The following NSD2 variants were observed in gnomAD, a reference collection of about 807,000 sequenced individuals.
The protein encoded by NSD2 is histone-lysine N-methyltransferase NSD2.
A neutral mutation model predicts 139.0 loss-of-function variants in NSD2; 12 were observed. The ratio of observed to expected loss-of-function variants is 0.09; its 90% CI spans 0.06 to 0.14. The LOEUF (loss-of-function observed/expected upper bound fraction) is 0.14. Ranked by LOEUF, NSD2 falls within the 10% of genes least tolerant of loss-of-function variation. The pLI is 1.00. For synonymous variants in NSD2, 669 were observed against 648.7 expected, an observed-to-expected ratio of 1.03 and a Z score of -0.48; for missense variants, 1,155 against 1,745.0, an observed-to-expected ratio of 0.66 and a Z score of 6.02.
rs562902739 is a variant in NSD2, at chr4:1,972,460, T to C, written c.3373-2403T>C. On this transcript the variant is annotated intron_variant, in intron 18 of 21. Coordinates refer to ENST00000508803, the MANE Select transcript of NSD2 (RefSeq NM_001042424.3). This position sits in a 1 kb window ranked among gnomAD's most constrained non-coding sequence, Gnocchi z 4.0. ...CTGCAGGTCTAGCCAGTGCTTTATC[T>C]TGAAGCCTTACTGTGGGAAGGGTGG... Among the ~76,000 whole-genome samples, 1 of 152,372 alleles carries C rather than the reference T, an allele frequency of 6.6e-6. No individual in the cohort carries two copies. Among genetic ancestry groups the C allele is most frequent in the African/African-American group, 2.4e-5 (1 of 41,582 alleles).
At chr4:1,959,040 G>A (rs1725110456) in intron 16 of NSD2, among the ~76,000 whole-genome samples, 1 of 152,206 alleles carries the variant, frequency 6.6e-6, no homozygotes, top group African/African-American at 2.4e-5. Flanking sequence ...ACTCCCATGT[G>A]GCTTGCTGCT....
intron 11 of NSD2, chr4:1,952,889 G>A: frequency 7.3e-7 from 1 of 1,377,198 alleles, no homozygotes; most frequent in Non-Finnish European, 9.4e-7. Context: ...GAAGACACCT[G>A]GAGAGTCTCC....
intron 15 of NSD2, among the ~76,000 whole-genome samples, 155 bp from the exon 16 acceptor site, chr4:1,957,778 C>T (rs2108965299): frequency 6.6e-6 from 1 of 152,264 alleles, no homozygotes; most frequent in African/African-American, 2.4e-5. Context: ...TTAAAAATAC[C>T]TGCCCACTGA....
chr4:1,940,207 T>C (rs1722947650), intron 9 of NSD2: 2 of 1,080,002 alleles, frequency 1.9e-6, no homozygotes, highest in Non-Finnish European at 2.3e-6. Flanking sequence ...ACCTGATTCC[T>C]GTTGCTTCCA....
rs71167763 is a variant in NSD2 at position 1,951,443 on chromosome 4, TACACACACACACACACACACAC to T, written c.2013+300_2013+321del. 4.7e-4 allele frequency among the ~76,000 whole-genome samples: 47 copies of T among 101,070 alleles called. 1 individual carries two copies. The highest frequency in any genetic ancestry group is 1.6e-3 in the African/African-American group (40 of 25,204). 66.3% of individuals were successfully genotyped at this position (101,070 alleles called of 152,430 possible). On this transcript the variant is annotated intron_variant, in intron 10 of 21. Coordinates refer to ENST00000508803, the MANE Select transcript of NSD2 (RefSeq NM_001042424.3). ...TGAGATTTGTATACACATCATGTAA[TACACACACACACACACACACAC>T]ACACACACACACACACACACACACA... is the stretch of plus-strand genomic sequence containing the variant.
At chr4:1,904,969 A>AAAAATAC (rs1717690970) in intron 3 of NSD2, among the ~76,000 whole-genome samples, 1 of 152,252 alleles carries the variant, frequency 6.6e-6, no homozygotes, top group African/African-American at 2.4e-5. Flanking sequence ...CGTCTCTACT[A>AAAAATAC]AAAATACAAA....
chr4:1,921,750 C>T (rs978585001), intron 5 of NSD2, among the ~76,000 whole-genome samples: 6 of 149,724 alleles, frequency 4.0e-5, no homozygotes, highest in Admixed American at 1.3e-4. Context: ...CCAATGCACT[C>T]CAGCCTGGGC....
At position 1,975,340 on chromosome 4, in the gene NSD2, A is replaced by G. The variant is rs1384015236; in HGVS notation, c.3561A>G (p.Glu1187=). The part of the protein sequence containing the change: ...FNYNLDCLGN[E]KTVCRCGASN... ...ACAACCTCGATTGTCTGGGCAATGA[A>G]AAAACGGTCTGCCGGTGTGGAGCCT... is the stretch of plus-strand genomic sequence containing the variant. Residue 1187 remains glutamate (E), a synonymous_variant, in exon 20 of 22, where the codon GAA becomes GAG. Coordinates refer to ENST00000508803, the MANE Select transcript of NSD2 (RefSeq NM_001042424.3). The G allele has an allele frequency of 2.5e-6, 4 of 1,614,092 alleles. No homozygotes were observed. The African/African-American group carries it at 4.0e-5, about 16-fold the overall frequency.
At chr4:1,952,653 C>A in intron 11 of NSD2, 1 of 977,174 alleles carries the variant, frequency 1.0e-6, no homozygotes, top group Non-Finnish European at 1.3e-6. Context: ...TTTATGAAGA[C>A]ACAGTGTCAC....
chr4:1,885,276 A>C, intron 1 of NSD2, among the ~76,000 whole-genome samples: 1 of 152,174 alleles, frequency 6.6e-6, no homozygotes, highest in Non-Finnish European at 1.5e-5. Context: ...TCAGCAAATT[A>C]GTGGATTAAA....
At chr4:1,929,435 T>G (rs1721367109) in intron 5 of NSD2, among the ~76,000 whole-genome samples, 1 of 152,134 alleles carries the variant, frequency 6.6e-6, no homozygotes, top group African/African-American at 2.4e-5. Context: ...AGACAGTGCC[T>G]TCACTTGCCG....
At chr4:1,938,336 G>T in intron 7 of NSD2, 115 bp from the exon 8 acceptor site, 1 of 904,180 alleles carries the variant, frequency 1.1e-6, no homozygotes, top group South Asian at 2.2e-5. Context: ...ATTCACATGA[G>T]GAGATTTTTT....
intron 3 of NSD2, among the ~76,000 whole-genome samples, chr4:1,905,937 TTGTC>T (rs900495170): frequency 6.6e-5 from 10 of 152,188 alleles, no homozygotes; most frequent in African/African-American, 2.4e-4. Context: ...TGTCTCCCCT[TTGTC>T]TGAGGATGGA....
chr4:1,946,166 G>A, intron 9 of NSD2: 1 of 1,023,918 alleles, frequency 9.8e-7, no homozygotes, highest in Non-Finnish European at 1.2e-6. Flanking sequence ...GAGAAACTGA[G>A]GTAACTGTCA....
At chr4:1,934,435 G>A (rs1249305171) in intron 6 of NSD2, among the ~76,000 whole-genome samples, 1 of 151,738 alleles carries the variant, frequency 6.6e-6, no homozygotes, top group East Asian at 1.9e-4. Context: ...AGAGGTTGCA[G>A]TGAGCTGAGA....
In NSD2 at chr4:1,944,042, G is replaced by A. The variant is rs1577507722; in HGVS notation, c.1881+4264G>A. ...ATTGGCATCAGCTGAATAACCAGGG[G>A]CACATGGGGGAACGTGGATGGGAAT... On this transcript the variant is annotated intron_variant, in intron 9 of 21. Coordinates refer to ENST00000508803, the MANE Select transcript of NSD2 (RefSeq NM_001042424.3). 6.6e-6 allele frequency: 7 copies of A among 1,065,836 alleles called. No individual in the cohort carries two copies. The East Asian group carries it at 3.5e-4, about 53-fold the overall frequency. The allele number at this position is 1,065,836 out of a possible 1,614,324, so 66.0% of individuals were successfully genotyped here.
chr4:1,896,194 TC>T (rs1204681417), intron 1 of NSD2, among the ~76,000 whole-genome samples: 3 of 152,214 alleles, frequency 2.0e-5, no homozygotes, highest in Non-Finnish European at 4.4e-5. Context: ...CTCCTCTCCT[TC>T]GGGCTCTGTG....
At chr4:1,873,386 A>G (rs901422744) in intron 1 of NSD2, among the ~76,000 whole-genome samples, 1 of 152,234 alleles carries the variant, frequency 6.6e-6, no homozygotes, top group African/African-American at 2.4e-5. Context: ...TGTAACATAT[A>G]AACTAATATA....
chr4:1,951,881 A>G (rs929105158), intron 10 of NSD2: 13 of 573,882 alleles, frequency 2.3e-5, no homozygotes, highest in Middle Eastern at 4.6e-4. Flanking sequence ...TTCCTTTGCC[A>G]TTGCTGAGGA....
Sources: allele counts gnomAD v4.1 joint callset (sites outside exome capture counted in the v4.1 genomes callset), GRCh38; gene constraint gnomAD v4.1.1; non-coding constraint Gnocchi (gnomAD v3.1); transcripts MANE v1.5; gene names NCBI Gene and HGNC (gene_info 2026-07-23, HGNC 2026-07-21).